The following SH3GLB2 variants were observed in gnomAD, a reference collection of about 807,000 sequenced individuals.
SH3GLB2 encodes SH3 domain containing GRB2 like, endophilin B2.
SH3GLB2 carries 24 observed loss-of-function variants against 48.0 expected under a neutral mutation model. That is an observed-to-expected ratio of 0.50 (90% CI 0.36 to 0.70). The LOEUF is 0.70. Among genes scored for constraint, SH3GLB2 ranks in the 30% least tolerant of loss-of-function variants. The pLI is 0.00. For synonymous variants in SH3GLB2, 227 were observed against 207.6 expected (o/e 1.09, Z -0.80); for missense variants, 425 against 516.0 (o/e 0.82, Z 1.71).
At position 129,010,796 on chromosome 9, in the gene SH3GLB2, C is replaced by T. The variant is rs1843073941; in HGVS notation, c.625-103G>A. The T allele has an allele frequency of 4.2e-6, 6 of 1,416,520 alleles. 1 individual carries two copies. The highest frequency in any genetic ancestry group is 2.4e-5 in the East Asian group (1 of 41,916). 87.7% of individuals were successfully genotyped at this position (1,416,520 alleles called of 1,614,324 possible). On this transcript the variant is annotated intron_variant, in intron 6 of 10. Transcript: ENST00000372564. ...CCAGCTCCCAGACTCAACTTCTGCC[C>T]CCCTGCCCCTCTGCCCCCCCTCCCA... is the stretch of plus-strand genomic sequence containing the variant.
chr9:129,008,643 T>C lies in SH3GLB2; in HGVS notation c.*41A>G. ...AAGTGGCAGGGCTGCGCCCATCCTC[T>C]CCTGCCTAGGCCAGAATGCGGGGGG... On this transcript the variant is annotated 3_prime_UTR_variant, in exon 11 of 11. Coordinates refer to ENST00000372564, the MANE Select transcript of SH3GLB2 (RefSeq NM_020145.4). 1 of 1,510,036 alleles carries C rather than the reference T, an allele frequency of 6.6e-7. No individual in the cohort carries two copies. Among genetic ancestry groups the C allele is most frequent in the Non-Finnish European group, 9.2e-7 (1 of 1,086,722 alleles). The allele number at this position is 1,510,036 out of a possible 1,614,324, so 93.5% of individuals were successfully genotyped here.
chr9:129,007,615 G>A lies in SH3GLB2; in HGVS notation c.*1069C>T, dbSNP rs1354564440. ...GCCAACTGTGGTCCCTTGAGGAGCT[G>A]ACTGTCTTGCTGATCTCATCTGTGA... On this transcript the variant is annotated 3_prime_UTR_variant, in exon 11 of 11. Coordinates refer to ENST00000372564, the MANE Select transcript of SH3GLB2 (RefSeq NM_020145.4). 6.6e-6 allele frequency: 1 copy of A among 152,018 alleles called. No individual in the cohort carries two copies. The highest frequency in any genetic ancestry group is 6.5e-5 in the Admixed American group (1 of 15,270). 9.4% of individuals were successfully genotyped at this position (152,018 alleles called of 1,614,324 possible).
At chr9:129,016,270 G>A (rs551343398) in intron 3 of SH3GLB2, among the ~76,000 whole-genome samples, 14 of 147,182 alleles carry the variant, frequency 9.5e-5, no homozygotes, top group Non-Finnish European at 2.1e-4. Flanking sequence ...TTGAACCCAG[G>A]AGGCAGAGGT....
chr9:129,015,564 T>C (rs886493801), intron 3 of SH3GLB2, among the ~76,000 whole-genome samples: 2 of 151,860 alleles, frequency 1.3e-5, no homozygotes, highest in Non-Finnish European at 1.5e-5. Flanking sequence ...GGCAAAACCT[T>C]GTCTTTATAA....
Position 129,014,983 on chromosome 9 carries a change from G to A in SH3GLB2, c.335-79C>T. Reference sequence around the variant, plus strand: ...ATCTACAGGAGAGGGCTCAGGAAGAGCTTGCTGAAGAGCAAGGGCCGGGGT... The same window carrying A: ...ATCTACAGGAGAGGGCTCAGGAAGAACTTGCTGAAGAGCAAGGGCCGGGGT... On this transcript the variant is annotated intron_variant, in intron 3 of 10. Coordinates refer to ENST00000372564, the MANE Select transcript of SH3GLB2 (RefSeq NM_020145.4). This position sits in a 1 kb window ranked among gnomAD's most constrained non-coding sequence, Gnocchi z 4.1. The A allele has an allele frequency of 1.3e-6, 2 of 1,539,796 alleles. No homozygotes were observed. The highest frequency in any genetic ancestry group is 1.7e-6 in the Non-Finnish European group (2 of 1,144,944).
chr9:129,010,105 G>A lies in SH3GLB2; in HGVS notation c.738+15C>T, dbSNP rs1237165442. ...CTGAGGGTTAGGTTTAGTGAGGGTG[G>A]GCAGTGGGACTCACGTGAGTGCTAC... On this transcript the variant is annotated intron_variant, in intron 8 of 10. Transcript: ENST00000372564. The A allele has an allele frequency of 1.2e-6, 2 of 1,609,824 alleles. No individual in the cohort carries two copies. Among genetic ancestry groups the A allele is most frequent in the Admixed American group, 3.3e-5 (2 of 60,010 alleles).
In SH3GLB2 at chr9:129,014,493, C is replaced by T. The variant is rs751525679; in HGVS notation, c.479G>A (p.Arg160Gln). ...GDWKTISKER[R>Q]LLQNRRLDLD... is the part of the protein sequence containing the mutation. ...GTCCAGACGCCGGTTTTGGAGGAGCCGCCTCTCCTTCTACAGGGCAGGGCA... is the reference window on the plus strand; with the variant it reads ...GTCCAGACGCCGGTTTTGGAGGAGCTGCCTCTCCTTCTACAGGGCAGGGCA... The change falls in exon 5 of 11, where the codon CGG (arginine) becomes CAG (glutamine). Residue 160 changes from arginine (R) to glutamine (Q), a missense_variant. Arg to Gln is a conservative substitution (Grantham distance 43, BLOSUM62 1). Transcript: ENST00000372564. This position sits in a 1 kb window ranked among gnomAD's most constrained non-coding sequence, Gnocchi z 4.1. 6 of 1,551,174 alleles carry T rather than the reference C, an allele frequency of 3.9e-6. No homozygotes were observed. Among genetic ancestry groups the T allele is most frequent in the South Asian group, 3.6e-5 (3 of 84,044 alleles).
At chr9:129,027,103 C>T (rs1005618647) in intron 1 of SH3GLB2, among the ~76,000 whole-genome samples, 4 of 152,126 alleles carry the variant, frequency 2.6e-5, no homozygotes, top group Admixed American at 6.5e-5. Flanking sequence ...CAGCCCCGGG[C>T]CTGCGGAATC....
Position 129,014,617 on chromosome 9 carries a change from C to A in SH3GLB2, c.469-114G>T. On this transcript the variant is annotated intron_variant, in intron 4 of 10. Coordinates refer to ENST00000372564, the MANE Select transcript of SH3GLB2 (RefSeq NM_020145.4). This position sits in a 1 kb window ranked among gnomAD's most constrained non-coding sequence, Gnocchi z 4.1. ...CAAGTCAAGATAGGGAAACTGAGGC[C>A]CAGAGATAGGAGGTCACTCAGTCCA... is the stretch of plus-strand genomic sequence containing the variant. The A allele has an allele frequency of 6.7e-7, 1 of 1,490,560 alleles. No individual in the cohort carries two copies. The allele number at this position is 1,490,560 out of a possible 1,614,324, so 92.3% of individuals were successfully genotyped here.
Position 129,010,177 on chromosome 9 carries a change from CTCTG to C in SH3GLB2, c.677_680del (p.Thr226SerfsTer8), listed in dbSNP as rs1204315396. 28 of 1,613,956 alleles carry C rather than the reference CTCTG, an allele frequency of 1.7e-5. No individual in the cohort carries two copies. Among genetic ancestry groups the C allele is most frequent in the Admixed American group, 3.3e-5 (2 of 60,000 alleles). ...GGGTCACTTCTGCTTGCCGGTCAAA[CTCTG>C]TCTGGGCCACGCGGAGCTCCTGCTC... On this transcript the variant is annotated frameshift_variant, in exon 8 of 11. Transcript: ENST00000372564. LOFTEE classifies it high-confidence loss of function.
At chr9:129,021,013 T>G in intron 3 of SH3GLB2, 78 bp downstream of exon 3, 1 of 1,325,344 alleles carries the variant, frequency 7.5e-7, no homozygotes, top group Non-Finnish European at 9.8e-7. Flanking sequence ...TTTTTTTAAG[T>G]AAAAAAAAGG....
At chr9:129,024,771 C>T (rs1844041042) in intron 1 of SH3GLB2, among the ~76,000 whole-genome samples, 1 of 150,576 alleles carries the variant, frequency 6.6e-6, no homozygotes, top group Non-Finnish European at 1.5e-5. Context: ...GAGATCAAGA[C>T]CATCCTGGCT....
At chr9:129,026,218 G>A (rs537895779) in intron 1 of SH3GLB2, among the ~76,000 whole-genome samples, 4 of 152,282 alleles carry the variant, frequency 2.6e-5, no homozygotes, top group South Asian at 4.1e-4. Flanking sequence ...TTGCTGGATC[G>A]GGGAGGCTCT....
chr9:129,024,114 T>C (rs1843987582), intron 1 of SH3GLB2, among the ~76,000 whole-genome samples: 2 of 152,092 alleles, frequency 1.3e-5, no homozygotes, highest in South Asian at 2.1e-4. Context: ...CTAGTATTAT[T>C]ATCACCATCA....
chr9:129,024,256 CAAAAAAAAAAAA>C (rs1169096733), intron 1 of SH3GLB2, among the ~76,000 whole-genome samples: 1 of 54,520 alleles, frequency 1.8e-5, no homozygotes, highest in Non-Finnish European at 3.3e-5. Flanking sequence ...CTCCTCTCTA[CAAAAAAAAAAAA>C]AAAAAAAAAA....
chr9:129,022,449 TGGGGA>T, intron 1 of SH3GLB2, 26 bp from the exon 2 acceptor site: 1 of 1,277,188 alleles, frequency 7.8e-7, no homozygotes, highest in Non-Finnish European at 1.0e-6. Context: ...GGCCAAGGGG[TGGGGA>T]GGGGGAGAGC....
chr9:129,014,123 C>T lies in SH3GLB2; in HGVS notation c.561+288G>A. ...GAGCCGAGCATCTAGGAGGGCAGGGCAGGGCATGCAGGAGACTCCAGCTGC... is the reference window on the plus strand; with the variant it reads ...GAGCCGAGCATCTAGGAGGGCAGGGTAGGGCATGCAGGAGACTCCAGCTGC... On this transcript the variant is annotated intron_variant, in intron 5 of 10. Coordinates refer to ENST00000372564, the MANE Select transcript of SH3GLB2 (RefSeq NM_020145.4). This position sits in a 1 kb window ranked among gnomAD's most constrained non-coding sequence, Gnocchi z 4.1. 1 of 621,962 alleles carries T rather than the reference C, an allele frequency of 1.6e-6. No homozygotes were observed. Among genetic ancestry groups the T allele is most frequent in the Admixed American group, 2.2e-5 (1 of 46,304 alleles). The allele number at this position is 621,962 out of a possible 1,614,324, so 38.5% of individuals were successfully genotyped here. A position where few individuals can be genotyped will look rare whatever the true frequency, so the allele number is the denominator to read the frequency against.
chr9:129,016,372 A>G (rs995834467), intron 3 of SH3GLB2, among the ~76,000 whole-genome samples: 1 of 146,026 alleles, frequency 6.8e-6, no homozygotes, highest in African/African-American at 2.6e-5. Flanking sequence ...AAAAAAAAAA[A>G]AGATACGGCC....
In SH3GLB2 at chr9:129,007,267, T is replaced by C. The variant is rs1415727599; in HGVS notation, c.*1417A>G. 1.3e-5 allele frequency: 2 copies of C among 152,324 alleles called. No homozygotes were observed. The highest frequency in any genetic ancestry group is 2.9e-5 in the Non-Finnish European group (2 of 68,182). 9.4% of individuals were successfully genotyped at this position (152,324 alleles called of 1,614,324 possible). A position where few individuals can be genotyped will look rare whatever the true frequency, so the allele number is the denominator to read the frequency against. On this transcript the variant is annotated 3_prime_UTR_variant, in exon 11 of 11. Transcript: ENST00000372564. The stretch of plus-strand genomic sequence containing the variant: ...TCATTCCTGTCCTTGGGCTGAGGGT[T>C]TGGCTGGGTGGGCGCTGTCAGATAT...
Sources: gnomAD v4.1 joint callset for allele counts (sites outside exome capture counted in the v4.1 genomes callset) on GRCh38, gnomAD v4.1.1 for gene constraint, Gnocchi (gnomAD v3.1) non-coding constraint, MANE v1.5 for transcripts, NCBI Gene and HGNC (gene_info 2026-07-23, HGNC 2026-07-21) for gene names.